The following GRIK4 variants were observed in gnomAD, a reference collection of about 807,000 sequenced individuals.
GRIK4 encodes glutamate receptor ionotropic, kainate 4.
Under a neutral mutation model 104.9 loss-of-function variants are expected in GRIK4, and 40 were observed. The ratio of observed to expected loss-of-function variants is 0.38; its 90% CI spans 0.30 to 0.50. The LOEUF (loss-of-function observed/expected upper bound fraction) is 0.50. Among genes scored for constraint, GRIK4 ranks in the 20% least tolerant of loss-of-function variants. The probability of loss-of-function intolerance (pLI) is 0.93; values close to 1 mark genes in which losing one functional copy is unlikely to be tolerated. For missense variants in GRIK4, 1,047 were observed against 1,308.1 expected (o/e 0.80, Z 3.08); for synonymous variants, 485 against 524.9 (o/e 0.92, Z 1.04).
At position 120,939,008 on chromosome 11, in the gene GRIK4, AG is replaced by A. The variant is rs1046979873; in HGVS notation, c.1477-1337del. 3.9e-5 allele frequency among the ~76,000 whole-genome samples: 6 copies of A among 152,196 alleles called. No homozygotes were observed. The highest frequency in any genetic ancestry group is 1.4e-4 in the African/African-American group (6 of 41,438). On this transcript the variant is annotated intron_variant, in intron 13 of 20. Transcript: ENST00000527524. This position sits in a 1 kb window ranked among gnomAD's most constrained non-coding sequence, Gnocchi z 5.6. Reference sequence around the variant, plus strand: ...CATAGAGGATTGCTGGGAAGGACCCAGGCACTCTCCTTGATTTATGGATGAG... The same window carrying A: ...CATAGAGGATTGCTGGGAAGGACCCAGCACTCTCCTTGATTTATGGATGAG...
intron 19 of GRIK4, among the ~76,000 whole-genome samples, chr11:120,975,524 G>A (rs1004110329): frequency 2.0e-5 from 3 of 152,172 alleles, no homozygotes; most frequent in Non-Finnish European, 4.4e-5. Context: ...AACAAAGCAG[G>A]TCACAATTGT....
chr11:120,517,679 T>C (rs1303964583), intron 1 of GRIK4, among the ~76,000 whole-genome samples: 1 of 152,056 alleles, frequency 6.6e-6, no homozygotes, highest in Non-Finnish European at 1.5e-5. Context: ...GCTGCCTCGA[T>C]TTCCGCCCTA....
chr11:120,512,475 A>G (rs114602568), intron 1 of GRIK4, among the ~76,000 whole-genome samples: 5,915 of 140,654 alleles, frequency 0.042, 328 homozygotes, highest in African/African-American at 0.13. Context: ...GGCCACCACC[A>G]CACCCCCCCA....
chr11:120,760,209 A>T (rs1951722803), intron 3 of GRIK4, among the ~76,000 whole-genome samples: 1 of 151,716 alleles, frequency 6.6e-6, no homozygotes, highest in Non-Finnish European at 1.5e-5. Flanking sequence ...TCTTCTTTAT[A>T]AAAATATTCT....
rs577732704 is a variant in GRIK4 at position 120,822,373 on chromosome 11, G to A, written c.511+2453G>A. On this transcript the variant is annotated intron_variant, in intron 6 of 20. Coordinates refer to ENST00000527524, the MANE Select transcript of GRIK4 (RefSeq NM_014619.5). ...GAAAGGGAGGCCCAGAAGGTAGCTT[G>A]GTTTGGCTAGAGTCTCATAATTAGT... Among the ~76,000 whole-genome samples the A allele has an allele frequency of 4.1e-4, 63 of 152,254 alleles. 1 individual carries two copies. The highest frequency in any genetic ancestry group is 1.5e-3 in the African/African-American group (62 of 41,542).
chr11:120,979,675 G>C (rs1210294076), intron 19 of GRIK4, among the ~76,000 whole-genome samples: 1 of 152,180 alleles, frequency 6.6e-6, no homozygotes, highest in Non-Finnish European at 1.5e-5. Flanking sequence ...AGAGCCAGTG[G>C]AGAGAAGACT....
chr11:120,601,812 G>A (rs1948891360), intron 1 of GRIK4, among the ~76,000 whole-genome samples: 1 of 152,106 alleles, frequency 6.6e-6, no homozygotes, highest in South Asian at 2.1e-4. Context: ...GAACAGAAGT[G>A]AGCTGTGCCC....
intron 14 of GRIK4, among the ~76,000 whole-genome samples, chr11:120,944,858 G>A (rs11218067): frequency 0.14 from 21,577 of 152,078 alleles, 2,005 homozygotes; most frequent in East Asian, 0.32. Flanking sequence ...ATGTGTTGTC[G>A]TGCAAAATTA....
intron 1 of GRIK4, among the ~76,000 whole-genome samples, chr11:120,576,813 A>C (rs1565556813): frequency 6.6e-6 from 1 of 152,132 alleles, no homozygotes; most frequent in African/African-American, 2.4e-5. Context: ...CCCCTCTATG[A>C]CCACCAGCCT....
At chr11:120,631,075 C>A (rs1438101008) in intron 1 of GRIK4, among the ~76,000 whole-genome samples, 2 of 152,220 alleles carry the variant, frequency 1.3e-5, no homozygotes, top group Non-Finnish European at 2.9e-5. Context: ...AATCATAGTG[C>A]CTGCCTTTCG....
intron 4 of GRIK4, among the ~76,000 whole-genome samples, chr11:120,809,558 A>G (rs1271845113): frequency 2.6e-5 from 4 of 152,236 alleles, no homozygotes; most frequent in African/African-American, 7.2e-5. Flanking sequence ...CACTGGACTC[A>G]TTTGGGATCA....
intron 1 of GRIK4, among the ~76,000 whole-genome samples, chr11:120,534,935 G>A (rs1027222125): frequency 2.0e-5 from 3 of 152,176 alleles, no homozygotes; most frequent in Admixed American, 6.5e-5. Flanking sequence ...CCTGAGATAC[G>A]AGACTTCAGT....
intron 15 of GRIK4, among the ~76,000 whole-genome samples, chr11:120,955,722 G>C (rs1944129105): frequency 6.6e-6 from 1 of 152,210 alleles, no homozygotes; most frequent in African/African-American, 2.4e-5. Context: ...TACACTCACT[G>C]GGGAGCTTTA....
chr11:120,621,498 A>C (rs1336364696), intron 1 of GRIK4, among the ~76,000 whole-genome samples: 2 of 152,220 alleles, frequency 1.3e-5, no homozygotes, highest in African/African-American at 4.8e-5. Flanking sequence ...GACACAAAGA[A>C]GACTTCCCCA....
At position 120,852,165 on chromosome 11, in the gene GRIK4, A is replaced by T. The variant is rs999440331; in HGVS notation, c.745-9794A>T. On this transcript the variant is annotated intron_variant, in intron 8 of 20. Coordinates refer to ENST00000527524, the MANE Select transcript of GRIK4 (RefSeq NM_014619.5). The stretch of plus-strand genomic sequence containing the variant: ...CTACACAGTTAACCACACAGTTAAT[A>T]ACTACTTATTTAGCACCTAGAGACC... Among the ~76,000 whole-genome samples the T allele has an allele frequency of 2.0e-5, 3 of 152,224 alleles. No homozygotes were observed. The East Asian group carries it at 5.8e-4, about 29-fold the overall frequency.
In GRIK4 at chr11:120,861,093, CTTTTTTTTTTTTT is replaced by C. The variant is rs547199127; in HGVS notation, c.745-846_745-834del. ...TTAGGTAGGGTTCAGAAATCATCCTCTTTTTTTTTTTTTTTTTTTTTTTTTTTTTTTTGAGACA... is the reference window on the plus strand; with the variant it reads ...TTAGGTAGGGTTCAGAAATCATCCTCTTTTTTTTTTTTTTTTTTTGAGACA... On this transcript the variant is annotated intron_variant, in intron 8 of 20. Coordinates refer to ENST00000527524, the MANE Select transcript of GRIK4 (RefSeq NM_014619.5). 5.0e-4 allele frequency among the ~76,000 whole-genome samples: 43 copies of C among 86,564 alleles called. No homozygotes were observed. In the East Asian group the frequency reaches 5.9e-3, roughly 12 times the overall value. The allele number at this position is 86,564 out of a possible 152,430, so 56.8% of individuals were successfully genotyped here. A position where few individuals can be genotyped will look rare whatever the true frequency, so the allele number is the denominator to read the frequency against.
chr11:120,645,338 C>A (rs1949529106), intron 1 of GRIK4, among the ~76,000 whole-genome samples: 1 of 152,228 alleles, frequency 6.6e-6, no homozygotes, highest in Non-Finnish European at 1.5e-5. Context: ...CCTCCCCTAA[C>A]ACAGTGAGCC....
intron 3 of GRIK4, among the ~76,000 whole-genome samples, chr11:120,668,316 A>G (rs1565284473): frequency 6.6e-6 from 1 of 151,600 alleles, no homozygotes; most frequent in African/African-American, 2.4e-5. Context: ...AGAAAAGAAG[A>G]AAGGAAGGAA....
chr11:120,663,701 A>T (rs958705329), intron 3 of GRIK4, among the ~76,000 whole-genome samples: 1 of 152,064 alleles, frequency 6.6e-6, no homozygotes, highest in African/African-American at 2.4e-5. Context: ...TACCAGGAGG[A>T]TTTACTCCCA....
Sources: gnomAD v4.1 joint callset for allele counts (sites outside exome capture counted in the v4.1 genomes callset) on GRCh38, gnomAD v4.1.1 for gene constraint, Gnocchi (gnomAD v3.1) non-coding constraint, MANE v1.5 for transcripts, NCBI Gene and HGNC (gene_info 2026-07-23, HGNC 2026-07-21) for gene names.